The following OGA variants were observed in gnomAD, a reference collection of about 807,000 sequenced individuals.
The protein encoded by OGA is O-GlcNAcase.
In OGA, 21 loss-of-function variants were observed where a neutral mutation model predicts 102.0. The ratio of observed to expected loss-of-function variants is 0.21; its 90% confidence interval spans 0.15 to 0.30. The LOEUF (loss-of-function observed/expected upper bound fraction) is 0.30. Ranked by LOEUF, OGA falls within the 10% of genes least tolerant of loss-of-function variation. The pLI, the probability that OGA is intolerant of heterozygous loss-of-function variation, is 1.00. For missense variants in OGA, 765 were observed against 1,107.8 expected (o/e 0.69, Z 4.39); for synonymous variants, 408 against 378.2 (o/e 1.08, Z -0.91).
intron 4 of OGA, among the ~76,000 whole-genome samples, chr10:101,809,000 C>T (rs1356375100): frequency 1.3e-5 from 2 of 152,012 alleles, no homozygotes; most frequent in Non-Finnish European, 2.9e-5. Flanking sequence ...AAGCCCCCTA[C>T]ATTGGACCAA....
intron 11 of OGA, chr10:101,793,703 C>A: frequency 2.1e-6 from 1 of 483,604 alleles, no homozygotes; most frequent in South Asian, 2.2e-5. Flanking sequence ...CGCTGCGCTT[C>A]GCAGGCGCGG....
intron 6 of OGA, 53 bp from the exon 7 acceptor site, chr10:101,804,072 C>T: frequency 6.6e-7 from 1 of 1,508,128 alleles, no homozygotes; most frequent in Non-Finnish European, 9.0e-7. Context: ...TGGCTAGACG[C>T]ATTGGCTCAT....
intron 5 of OGA, among the ~76,000 whole-genome samples, chr10:101,807,293 A>G (rs1293670208): frequency 6.6e-6 from 1 of 152,176 alleles, no homozygotes; most frequent in Non-Finnish European, 1.5e-5. Context: ...AACGGGAAAA[A>G]CTGTTAAGCT....
At position 101,786,492 on chromosome 10, in the gene OGA, C is replaced by G; in HGVS notation, c.2710G>C (p.Gly904Arg). The G allele has an allele frequency of 6.2e-7, 1 of 1,612,132 alleles. No homozygotes were observed. Among genetic ancestry groups the G allele is most frequent in the Non-Finnish European group, 8.5e-7 (1 of 1,179,192 alleles). Residue 904 changes from glycine (G) to arginine (R), a missense_variant, in exon 16 of 16, where the codon GGA becomes CGA. Gly to Arg is a moderately radical substitution (Grantham distance 125, BLOSUM62 -2). Coordinates refer to ENST00000361464, the MANE Select transcript of OGA (RefSeq NM_012215.5). Reference sequence around the variant, plus strand: ...AGTATAACCACATCCTTTGGAAATCCTTCCATTTTTGCAATTTCAAAACAT... The same window carrying G: ...AGTATAACCACATCCTTTGGAAATCGTTCCATTTTTGCAATTTCAAAACAT... Reference protein sequence around the residue: ...LGCFEIAKMEGFPKDVVILGR... With the variant: ...LGCFEIAKMERFPKDVVILGR...
chr10:101,806,208 T>C (rs1293000939), intron 5 of OGA, 65 bp from the exon 6 acceptor site: 29 of 1,028,102 alleles, frequency 2.8e-5, no homozygotes, highest in Non-Finnish European at 8.9e-6. Flanking sequence ...TCTTTGTTTG[T>C]TTGTTTTCTT....
rs2065371113 is a variant in OGA, at chr10:101,800,164, C to T, written c.1195+78G>A. ...CTGAGATTACAGGTGTGAGCCACCA[C>T]ACCCGGGAGACAGTGTTCTTTACTT... On this transcript the variant is annotated intron_variant, in intron 8 of 15. Coordinates refer to ENST00000361464, the MANE Select transcript of OGA (RefSeq NM_012215.5). 3 of 1,483,998 alleles carry T rather than the reference C, an allele frequency of 2.0e-6. No homozygotes were observed. The South Asian group carries it at 3.7e-5, about 18-fold the overall frequency. The allele number at this position is 1,483,998 out of a possible 1,614,324, so 91.9% of individuals were successfully genotyped here.
Position 101,786,458 on chromosome 10 carries a change from C to A in OGA, c.2744G>T (p.Ser915Ile). 1 of 1,605,954 alleles carries A rather than the reference C, an allele frequency of 6.2e-7. No individual in the cohort carries two copies. Among genetic ancestry groups the A allele is most frequent in the Non-Finnish European group, 8.5e-7 (1 of 1,176,956 alleles). The change falls in exon 16 of 16, where the codon AGC becomes ATC. Residue 915 changes from serine to isoleucine, a missense_variant. Physicochemically the swap from Ser to Ile is moderately radical, Grantham distance 142. This residue lies in a region of OGA where 146 missense variants were observed against 269.7 expected (regional missense o/e 0.54). Transcript: ENST00000361464. Reference protein sequence around the residue: ...FPKDVVILGRSL With the variant: ...FPKDVVILGRIL Reference sequence around the variant, plus strand: ...TCACAGTGTCAACAAATGTCACAGGCTCCGACCAAGTATAACCACATCCTT... The same window carrying A: ...TCACAGTGTCAACAAATGTCACAGGATCCGACCAAGTATAACCACATCCTT...
At chr10:101,801,491 G>T (rs1050862873) in intron 7 of OGA, among the ~76,000 whole-genome samples, 5 of 151,746 alleles carry the variant, frequency 3.3e-5, no homozygotes, top group African/African-American at 9.7e-5. Context: ...AGAAAATTAA[G>T]TCTGAATTTT....
At chr10:101,796,989 C>G (rs2065324942) in intron 10 of OGA, 1 of 151,676 alleles carries the variant, frequency 6.6e-6, no homozygotes, top group African/African-American at 2.4e-5. Flanking sequence ...CAATCTGAGA[C>G]TCTACTTTTA....
rs2065668169 is a variant in OGA at position 101,818,189 on chromosome 10, C to G, written c.-167G>C. 3.0e-6 allele frequency: 4 copies of G among 1,354,544 alleles called. No individual in the cohort carries two copies. Among genetic ancestry groups the G allele is most frequent in the Non-Finnish European group, 3.8e-6 (4 of 1,057,050 alleles). 83.9% of individuals were successfully genotyped at this position (1,354,544 alleles called of 1,614,324 possible). A position where few individuals can be genotyped will look rare whatever the true frequency, so the allele number is the denominator to read the frequency against. ...CTCCCTCTCCGCAGGGACCCGAATG[C>G]CCGGATGAGAAGGGCGGCGGCACCG... On this transcript the variant is annotated 5_prime_UTR_variant, in exon 1 of 16. Transcript: ENST00000361464.
intron 7 of OGA, among the ~76,000 whole-genome samples, chr10:101,802,386 A>G (rs192679420): frequency 4.6e-5 from 7 of 152,262 alleles, no homozygotes; most frequent in African/African-American, 1.7e-4. Flanking sequence ...TCTCAAAAGT[A>G]GGAATGGCTG....
chr10:101,788,230 G>A (rs1341282519), intron 14 of OGA, among the ~76,000 whole-genome samples: 1 of 151,176 alleles, frequency 6.6e-6, no homozygotes, highest in Non-Finnish European at 1.5e-5. Context: ...CTGAGCTCAG[G>A]AGTTTGTGAC....
chr10:101,815,908 T>C (rs2065615812), intron 1 of OGA, among the ~76,000 whole-genome samples: 1 of 143,548 alleles, frequency 7.0e-6, no homozygotes, highest in African/African-American at 2.6e-5. Context: ...AACTATAGTA[T>C]TTCTATGCTC....
chr10:101,786,998 C>T (rs865852946), intron 15 of OGA, among the ~76,000 whole-genome samples: 2 of 151,610 alleles, frequency 1.3e-5, no homozygotes, highest in Middle Eastern at 3.5e-3. Context: ...CCGCCCACTT[C>T]GGCCTCCCAA....
In OGA at chr10:101,818,127, C is replaced by T. The variant is rs570882182; in HGVS notation, c.-105G>A. The stretch of plus-strand genomic sequence containing the variant: ...GAGGGCTTCAGCTCCAAGTGTGCGC[C>T]CCTCCGGCTCCTTCCCCTCCCCCTC... On this transcript the variant is annotated 5_prime_UTR_variant, in exon 1 of 16. Transcript: ENST00000361464. The T allele has an allele frequency of 7.2e-7, 1 of 1,395,000 alleles. No homozygotes were observed. The highest frequency in any genetic ancestry group is 3.2e-5 in the Admixed American group (1 of 30,966). The allele number at this position is 1,395,000 out of a possible 1,614,324, so 86.4% of individuals were successfully genotyped here.
chr10:101,802,666 T>C (rs892354186), intron 7 of OGA, among the ~76,000 whole-genome samples: 48 of 149,266 alleles, frequency 3.2e-4, no homozygotes, highest in African/African-American at 1.2e-3. Context: ...CAAGACTCCA[T>C]CTCAAAAAGA....
chr10:101,805,355 AT>A (rs1463905115), intron 6 of OGA, among the ~76,000 whole-genome samples: 1 of 152,168 alleles, frequency 6.6e-6, no homozygotes, highest in Non-Finnish European at 1.5e-5. Flanking sequence ...AAGAAAGCGT[AT>A]TTTAACAAGT....
chr10:101,811,869 A>G (rs547758822), intron 3 of OGA, among the ~76,000 whole-genome samples: 30 of 152,324 alleles, frequency 2.0e-4, no homozygotes, highest in African/African-American at 6.7e-4. Context: ...ATATTTTTGA[A>G]TAATTTTCAG....
chr10:101,813,512 G>T, intron 2 of OGA, 43 bp downstream of exon 2: 1 of 1,217,582 alleles, frequency 8.2e-7, no homozygotes, highest in African/African-American at 1.6e-5. Flanking sequence ...AAAATGTTAA[G>T]AGTTTAAGGT....
Sources: allele counts gnomAD v4.1 joint callset (sites outside exome capture counted in the v4.1 genomes callset), GRCh38; gene constraint gnomAD v4.1.1; regional missense constraint gnomAD v4.1.1; transcripts MANE v1.5; gene names NCBI Gene and HGNC (gene_info 2026-07-23, HGNC 2026-07-21).